Variants in FPGT observed in about 807,000 individuals in gnomAD.
FPGT encodes fucose-1-phosphate guanylyltransferase, also known as GDP-L-fucose diphosphorylase.
Under a neutral mutation model 45.8 loss-of-function variants are expected in FPGT, and 41 were observed. The ratio of observed to expected loss-of-function variants is 0.90; its 90% CI spans 0.70 to 1.16. The LOEUF (loss-of-function observed/expected upper bound fraction) is 1.16, where lower values mean the gene tolerates loss of function less well. Among genes scored for constraint, FPGT ranks in the 50% most tolerant of loss-of-function variants. FPGT has a pLI of 0.00. For synonymous variants in FPGT, 292 were observed against 247.2 expected, an observed-to-expected ratio of 1.18 and a Z score of -1.70; for missense variants, 755 against 689.1, an observed-to-expected ratio of 1.10 and a Z score of -1.07.
chr1:74,199,840 T>G lies in FPGT; in HGVS notation c.250+9T>G. On this transcript the variant is annotated intron_variant, in intron 2 of 3. Transcript: ENST00000370898. Reference sequence around the variant, plus strand: ...TGCTGGAGCCAAAATTGGTACGCGCTTTATGGTCAGTTTTATAATATAGGT... The same window carrying G: ...TGCTGGAGCCAAAATTGGTACGCGCGTTATGGTCAGTTTTATAATATAGGT... 6.2e-7 allele frequency: 1 copy of G among 1,612,234 alleles called. No homozygotes were observed. Among genetic ancestry groups the G allele is most frequent in the African/African-American group, 1.3e-5 (1 of 74,808 alleles).
At chr1:74,201,103 G>T (rs577099669) in intron 2 of FPGT, among the ~76,000 whole-genome samples, 2 of 152,050 alleles carry the variant, frequency 1.3e-5, no homozygotes, top group Admixed American at 6.5e-5. Context: ...ATTACTGAGG[G>T]TTGTTGTCTG....
rs1482457310 is a variant in FPGT at position 74,205,323 on chromosome 1, C to T, written c.1276C>T (p.Pro426Ser). The T allele has an allele frequency of 4.3e-6, 7 of 1,614,036 alleles. No individual in the cohort carries two copies. The highest frequency in any genetic ancestry group is 5.9e-6 in the Non-Finnish European group (7 of 1,179,970). Residue 426 changes from proline to serine, a missense_variant, in exon 4 of 4, where the codon CCT becomes TCT. Transcript: ENST00000370898. ...GSVVEYSRLG[P>S]DVSVGENCII... ...AGTTGTGGAGTATTCCAGATTGGGG[C>T]CTGATGTTTCAGTTGGGGAAAACTG... is the stretch of plus-strand genomic sequence containing the variant.
In FPGT at chr1:74,204,757, A is replaced by G. The variant is rs1362629127; in HGVS notation, c.710A>G (p.Tyr237Cys). The change falls in exon 4 of 4, where the codon TAT (tyrosine) becomes TGT (cysteine). Residue 237 changes from tyrosine to cysteine, a missense_variant. Coordinates refer to ENST00000370898, the MANE Select transcript of FPGT (RefSeq NM_003838.5). ...CATAAGCCCAGCATAGAAAAGATGT[A>G]TCAGTTTAATGCTGTGTGTAGACCT... ...FLHKPSIEKMYQFNAVCRPGN... is the reference protein window; with the variant it reads ...FLHKPSIEKMCQFNAVCRPGN... 3 of 1,613,898 alleles carry G rather than the reference A, an allele frequency of 1.9e-6. No homozygotes were observed. Among genetic ancestry groups the G allele is most frequent in the East Asian group, 4.5e-5 (2 of 44,896 alleles).
chr1:74,202,992 G>T (rs909224690), intron 3 of FPGT, among the ~76,000 whole-genome samples: 4 of 152,108 alleles, frequency 2.6e-5, no homozygotes, highest in African/African-American at 9.7e-5. Flanking sequence ...TGAAGGACCT[G>T]CCTGAGGCCA....
Position 74,205,250 on chromosome 1 carries a change from T to C in FPGT, c.1203T>C (p.Cys401=). 1.2e-6 allele frequency: 2 copies of C among 1,613,928 alleles called. No individual in the cohort carries two copies. The highest frequency in any genetic ancestry group is 1.7e-6 in the Non-Finnish European group (2 of 1,179,808). The stretch of plus-strand genomic sequence containing the variant: ...CAGAATGCTCTGGCAAAACATCCTG[T>C]ATCATTCAAAGCATACTGGATTCAA... ...DIPECSGKTS[C]IIQSILDSRC... Residue 401 remains cysteine, a synonymous_variant, in exon 4 of 4, where the codon TGT becomes TGC. Coordinates refer to ENST00000370898, the MANE Select transcript of FPGT (RefSeq NM_003838.5).
rs1652419867 is a variant in FPGT, at chr1:74,208,011, A to G, written c.*2179A>G. ...TAGTAGCACAAACGTACCACCAATA[A>G]TGTACCTAATTCAACTGAAGTGACA... On this transcript the variant is annotated 3_prime_UTR_variant, in exon 4 of 4. Transcript: ENST00000370898. 1.3e-5 allele frequency among the ~76,000 whole-genome samples: 2 copies of G among 152,014 alleles called. No individual in the cohort carries two copies. The highest frequency in any genetic ancestry group is 2.1e-4 in the South Asian group (1 of 4,832).
chr1:74,202,768 C>T (rs548348762), intron 3 of FPGT, among the ~76,000 whole-genome samples: 1 of 152,134 alleles, frequency 6.6e-6, no homozygotes. Flanking sequence ...AAACACTGTA[C>T]AGCTGTACAA....
In FPGT at chr1:74,205,034, G is replaced by A. The variant is rs753913574; in HGVS notation, c.987G>A (p.Glu329=). 1.5e-5 allele frequency: 25 copies of A among 1,613,616 alleles called. No individual in the cohort carries two copies. The highest frequency in any genetic ancestry group is 4.0e-5 in the African/African-American group (3 of 74,928). ...CAAATGTCATTAAAGAAGAGTCAGA[G>A]TTGGTAGAAATGAGGCAGAGAATAT... ...NTSNVIKEES[E]LVEMRQRIFH... Residue 329 remains glutamate, a synonymous_variant, in exon 4 of 4, where the codon GAG becomes GAA. Coordinates refer to ENST00000370898, the MANE Select transcript of FPGT (RefSeq NM_003838.5).
Position 74,208,676 on chromosome 1 carries a change from G to GATACAT in FPGT, c.*2846_*2847insACATAT, listed in dbSNP as rs1252660736. 1.3e-5 allele frequency among the ~76,000 whole-genome samples: 2 copies of GATACAT among 152,042 alleles called. No individual in the cohort carries two copies. Among genetic ancestry groups the GATACAT allele is most frequent in the East Asian group, 3.9e-4 (2 of 5,192 alleles). ...TAAAGGATATGTATCAGTGTATACT[G>GATACAT]ATTGAAATAAAGCTTTAAAAATCCA... is the stretch of plus-strand genomic sequence containing the variant. On this transcript the variant is annotated 3_prime_UTR_variant, in exon 4 of 4. Transcript: ENST00000370898.
Position 74,198,387 on chromosome 1 carries a change from C to G in FPGT, c.82+27C>G, listed in dbSNP as rs200727460. 1.4e-5 allele frequency: 22 copies of G among 1,613,224 alleles called. No individual in the cohort carries two copies. The Admixed American group carries it at 2.8e-4, about 21-fold the overall frequency. On this transcript the variant is annotated intron_variant, in intron 1 of 3. Coordinates refer to ENST00000370898, the MANE Select transcript of FPGT (RefSeq NM_003838.5). ...TACCAGAGAAGGCACCGGAGTTCTC[C>G]TGGGCAATGCAGAGGGAGGGTGCTT...
intron 3 of FPGT, among the ~76,000 whole-genome samples, chr1:74,201,823 G>T (rs955799053): frequency 3.3e-5 from 5 of 152,172 alleles, no homozygotes; most frequent in Non-Finnish European, 7.3e-5. Context: ...CGTGTGCCAT[G>T]GTTGGTTGCT....
chr1:74,204,322 C>A, intron 3 of FPGT, 69 bp from the exon 4 acceptor site: 2 of 1,137,956 alleles, frequency 1.8e-6, no homozygotes, highest in Non-Finnish European at 2.4e-6. Context: ...GGTTATAAAA[C>A]CCTGGGGTTT....
chr1:74,202,600 A>C (rs984826462), intron 3 of FPGT, among the ~76,000 whole-genome samples: 4 of 152,132 alleles, frequency 2.6e-5, no homozygotes, highest in African/African-American at 9.7e-5. Context: ...GAAACTTATT[A>C]GCTCTCTTTT....
chr1:74,203,536 C>T (rs1204972600), intron 3 of FPGT, among the ~76,000 whole-genome samples: 1 of 151,792 alleles, frequency 6.6e-6, no homozygotes, highest in African/African-American at 2.4e-5. Flanking sequence ...GGACCACAGG[C>T]GCCCGCCACC....
intron 3 of FPGT, among the ~76,000 whole-genome samples, chr1:74,203,188 G>C (rs1335323286): frequency 6.6e-6 from 1 of 152,090 alleles, no homozygotes; most frequent in East Asian, 1.9e-4. Context: ...GTTTATACCA[G>C]CATCACCACT....
Position 74,205,325 on chromosome 1 carries a change from T to G in FPGT, c.1278T>G (p.Pro426=). The change falls in exon 4 of 4, where the codon CCT becomes CCG. Residue 426 remains proline (P), a synonymous_variant. Coordinates refer to ENST00000370898, the MANE Select transcript of FPGT (RefSeq NM_003838.5). ...TTGTGGAGTATTCCAGATTGGGGCC[T>G]GATGTTTCAGTTGGGGAAAACTGCA... ...GSVVEYSRLG[P]DVSVGENCII... is the part of the protein sequence containing the mutation. 2 of 1,614,150 alleles carry G rather than the reference T, an allele frequency of 1.2e-6. No individual in the cohort carries two copies. The highest frequency in any genetic ancestry group is 1.7e-6 in the Non-Finnish European group (2 of 1,179,992).
rs764197350 is a variant in FPGT at position 74,205,404 on chromosome 1, G to C, written c.1357G>C (p.Val453Leu). The change falls in exon 4 of 4, where the codon GTA becomes CTA. Residue 453 changes from valine to leucine, a missense_variant. Transcript: ENST00000370898. Reference protein sequence around the residue: ...TKAALPAHSFVCSLSLKMNRC... With the variant: ...TKAALPAHSFLCSLSLKMNRC... Reference sequence around the variant, plus strand: ...AGCTGCCCTCCCCGCACATTCTTTTGTATGTTCCTTAAGCTTAAAGATGAA... The same window carrying C: ...AGCTGCCCTCCCCGCACATTCTTTTCTATGTTCCTTAAGCTTAAAGATGAA... 5 of 1,613,884 alleles carry C rather than the reference G, an allele frequency of 3.1e-6. No homozygotes were observed. The African/African-American group carries it at 6.7e-5, about 22-fold the overall frequency.
Position 74,206,995 on chromosome 1 carries a change from T to C in FPGT, c.*1163T>C, listed in dbSNP as rs553060095. On this transcript the variant is annotated 3_prime_UTR_variant, in exon 4 of 4. Coordinates refer to ENST00000370898, the MANE Select transcript of FPGT (RefSeq NM_003838.5). Reference sequence around the variant, plus strand: ...CCACAACCCTCAGTTATGATACTTATGTGCGTGTTTTTTTTTCCAAAGTTT... The same window carrying C: ...CCACAACCCTCAGTTATGATACTTACGTGCGTGTTTTTTTTTCCAAAGTTT... 18 of 152,194 alleles carry C rather than the reference T, an allele frequency of 1.2e-4. No individual in the cohort carries two copies. The highest frequency in any genetic ancestry group is 2.1e-4 in the South Asian group (1 of 4,826). The allele number at this position is 152,194 out of a possible 1,614,324, so 9.4% of individuals were successfully genotyped here.
In FPGT at chr1:74,207,150, G is replaced by A. The variant is rs898272779; in HGVS notation, c.*1318G>A. ...TCAAAATTGTAGTTTTACCAAATCT[G>A]AAGTGCCATCAGTTATAAGAATCAC... On this transcript the variant is annotated 3_prime_UTR_variant, in exon 4 of 4. Transcript: ENST00000370898. 3 of 151,912 alleles carry A rather than the reference G, an allele frequency of 2.0e-5. No individual in the cohort carries two copies. The highest frequency in any genetic ancestry group is 7.3e-5 in the African/African-American group (3 of 41,348). 9.4% of individuals were successfully genotyped at this position (151,912 alleles called of 1,614,324 possible).
Sources: gnomAD v4.1 joint callset for allele counts (sites outside exome capture counted in the v4.1 genomes callset) on GRCh38, gnomAD v4.1.1 for gene constraint, MANE v1.5 for transcripts, NCBI Gene and HGNC (gene_info 2026-07-23, HGNC 2026-07-21) for gene names.